Variants in ABCA9 observed in about 807,000 individuals in gnomAD.
ABCA9 encodes ATP binding cassette subfamily A member 9, also known as ATP-binding cassette sub-family A member 9.
In ABCA9, 183 loss-of-function variants were observed where a neutral mutation model predicts 205.3. That is an observed-to-expected ratio of 0.89 (90% CI 0.79 to 1.01). The LOEUF (loss-of-function observed/expected upper bound fraction) is 1.01. Among genes scored for constraint, ABCA9 ranks in the 50% least tolerant of loss-of-function variants. The pLI is 0.00. For synonymous variants in ABCA9, 651 were observed against 683.3 expected, an observed-to-expected ratio of 0.95 and a Z score of 0.74; for missense variants, 1,805 against 1,912.4, an observed-to-expected ratio of 0.94 and a Z score of 1.05.
intron 25 of ABCA9, among the ~76,000 whole-genome samples, chr17:69,003,167 T>C (rs1487856677): frequency 2.0e-5 from 3 of 151,932 alleles, no homozygotes; most frequent in South Asian, 2.1e-4. Context: ...ATTATGATGT[T>C]AGCTGGTTAT....
chr17:69,037,402 T>A (rs1200895510), intron 6 of ABCA9, among the ~76,000 whole-genome samples: 12 of 152,170 alleles, frequency 7.9e-5, no homozygotes, highest in African/African-American at 2.9e-4. Context: ...GAACTCAGGA[T>A]TAAGAAATTC....
chr17:68,992,888 C>T, intron 27 of ABCA9, 128 bp downstream of exon 27: 1 of 650,434 alleles, frequency 1.5e-6, no homozygotes, highest in South Asian at 1.8e-5. Context: ...CATGCATGTG[C>T]ATGTGTGTGT....
intron 8 of ABCA9, 31 bp downstream of exon 8, chr17:69,035,215 T>G: frequency 6.8e-7 from 1 of 1,471,510 alleles, no homozygotes; most frequent in Non-Finnish European, 9.0e-7. Context: ...GAACGGTTTG[T>G]AAAAAGTGAA....
chr17:69,016,155 TAG>T (rs1165093661), intron 22 of ABCA9, 96 bp downstream of exon 22: 2 of 811,276 alleles, frequency 2.5e-6, no homozygotes, highest in African/African-American at 3.7e-5. Flanking sequence ...AGTTTAAGAA[TAG>T]ATTCACAAAA....
At chr17:69,009,085 A>G (rs1403916486) in intron 23 of ABCA9, among the ~76,000 whole-genome samples, 2 of 152,186 alleles carry the variant, frequency 1.3e-5, no homozygotes, top group African/African-American at 4.8e-5. Context: ...TTTAATATAT[A>G]TTTACAGAAT....
intron 10 of ABCA9, 40 bp downstream of exon 10, chr17:69,032,068 C>T (rs757879947): frequency 6.4e-7 from 1 of 1,564,684 alleles, no homozygotes; most frequent in Non-Finnish European, 8.7e-7. Context: ...CCAGTCTCTG[C>T]CTGTTCTCCA....
At chr17:69,018,260 G>T in intron 20 of ABCA9, 153 bp downstream of exon 20, 4 of 627,722 alleles carry the variant, frequency 6.4e-6, no homozygotes, top group Non-Finnish European at 2.5e-6. Flanking sequence ...CTCCCATGTC[G>T]TATTTTTCAT....
chr17:69,063,516 A>G (rs2072305047), upstream of ABCA9, among the ~76,000 whole-genome samples: 1 of 152,152 alleles, frequency 6.6e-6, no homozygotes, highest in Non-Finnish European at 1.5e-5. Context: ...CTTGCTTTTC[A>G]TTCTTTCTCA....
chr17:69,065,465 C>T (rs997454902), upstream of ABCA9, among the ~76,000 whole-genome samples: 1 of 152,100 alleles, frequency 6.6e-6, no homozygotes, highest in Non-Finnish European at 1.5e-5. Flanking sequence ...TGCAAATGTA[C>T]AAGAATTTTT....
rs1292509027 is a variant in ABCA9 at position 69,035,805 on chromosome 17, G to A, written c.801-4C>T. On this transcript the variant is annotated splice_polypyrimidine_tract_variant and splice_region_variant and intron_variant, in intron 6 of 38. Coordinates refer to ENST00000340001, the MANE Select transcript of ABCA9 (RefSeq NM_080283.4). Reference sequence around the variant, plus strand: ...ATACATCAAACCCCAGGAAAGCCTAGCAGAGAAACAAAGCCGTCAGTTAGA... The same window carrying A: ...ATACATCAAACCCCAGGAAAGCCTAACAGAGAAACAAAGCCGTCAGTTAGA... The A allele has an allele frequency of 1.2e-6, 2 of 1,608,968 alleles. No homozygotes were observed. The highest frequency in any genetic ancestry group is 1.1e-5 in the South Asian group (1 of 90,470).
At chr17:69,027,871 G>T in intron 12 of ABCA9, 56 bp from the exon 13 acceptor site, 1 of 1,387,736 alleles carries the variant, frequency 7.2e-7, no homozygotes, top group Non-Finnish European at 9.9e-7. Context: ...CTTCATTGAA[G>T]ATCTTTTAAA....
At chr17:69,039,032 A>G (rs2144416401) in intron 6 of ABCA9, among the ~76,000 whole-genome samples, 1 of 152,294 alleles carries the variant, frequency 6.6e-6, no homozygotes, top group South Asian at 2.1e-4. Flanking sequence ...CTTCAAGGAG[A>G]ACTACAAATA....
chr17:69,012,636 G>T (rs992150436), intron 22 of ABCA9, among the ~76,000 whole-genome samples: 1 of 152,058 alleles, frequency 6.6e-6, no homozygotes, highest in Non-Finnish European at 1.5e-5. Context: ...TATTTATGGG[G>T]TACATGAGAT....
Position 68,995,772 on chromosome 17 carries a change from T to G in ABCA9, c.3555+123A>C. The G allele has an allele frequency of 2.3e-6, 3 of 1,295,572 alleles. No homozygotes were observed. In the South Asian group the frequency reaches 4.3e-5, roughly 19 times the overall value. 80.3% of individuals were successfully genotyped at this position (1,295,572 alleles called of 1,614,324 possible). On this transcript the variant is annotated intron_variant, in intron 26 of 38. Coordinates refer to ENST00000340001, the MANE Select transcript of ABCA9 (RefSeq NM_080283.4). The stretch of plus-strand genomic sequence containing the variant: ...CCATGCGTGGCAAGAGAACTGACTT[T>G]CCAAAGACAGAGACTTTTAAACTTT...
intron 30 of ABCA9, 23 bp downstream of exon 30, chr17:68,989,790 C>CT (rs748090171): frequency 7.5e-7 from 1 of 1,336,114 alleles, no homozygotes; most frequent in Non-Finnish European, 1.1e-6. Flanking sequence ...GATTGCTCTA[C>CT]TAATGGAACT....
At chr17:69,021,117 A>G (rs765047905) in intron 18 of ABCA9, among the ~76,000 whole-genome samples, 1 of 152,190 alleles carries the variant, frequency 6.6e-6, no homozygotes, top group Non-Finnish European at 1.5e-5. Flanking sequence ...AAAATTTAGT[A>G]TAACACTAAA....
At chr17:69,043,157 T>C (rs1028302871) in intron 6 of ABCA9, 2 of 184,226 alleles carry the variant, frequency 1.1e-5, no homozygotes, top group East Asian at 1.5e-4. Flanking sequence ...TCATCAGGCA[T>C]TGGATACTCA....
intron 1 of ABCA9, among the ~76,000 whole-genome samples, chr17:69,055,214 A>G (rs1567977064): frequency 6.6e-6 from 1 of 152,230 alleles, no homozygotes; most frequent in South Asian, 2.1e-4. Context: ...AGATTGTCAG[A>G]GTAGATGACA....
intron 25 of ABCA9, among the ~76,000 whole-genome samples, chr17:69,004,280 G>A (rs1248307042): frequency 2.6e-5 from 4 of 152,218 alleles, no homozygotes; most frequent in Non-Finnish European, 5.9e-5. Context: ...TGATGGTGAT[G>A]TACAGATGGG....
Sources: allele counts gnomAD v4.1 joint callset (sites outside exome capture counted in the v4.1 genomes callset), GRCh38; gene constraint gnomAD v4.1.1; transcripts MANE v1.5; gene names NCBI Gene and HGNC (gene_info 2026-07-23, HGNC 2026-07-21).